Variants in SASH1 observed in about 807,000 individuals in gnomAD.
SASH1 encodes the protein SAM and SH3 domain containing 1.
In SASH1, 44 loss-of-function variants were observed where a neutral mutation model predicts 125.2. That is an observed-to-expected ratio of 0.35 (90% confidence interval 0.28 to 0.45). The LOEUF (loss-of-function observed/expected upper bound fraction) is 0.45. Among genes scored for constraint, SASH1 ranks in the 20% least tolerant of loss-of-function variants. The pLI is 1.00. For missense variants in SASH1, 1,426 were observed against 1,614.5 expected (o/e 0.88, Z 2.00); for synonymous variants, 639 against 649.1 (o/e 0.98, Z 0.24).
rs1332555055 is a variant in SASH1 at position 148,544,155 on chromosome 6, C to G, written c.2685C>G (p.Thr895=). The part of the protein sequence containing the change: ...DSAVDNALLL[T]QSKRFSEPQK... Reference sequence around the variant, plus strand: ...CTGTCGACAATGCATTGCTACTGACCCAAAGCAAGAGATTTTCTGAACCTC... The same window carrying G: ...CTGTCGACAATGCATTGCTACTGACGCAAAGCAAGAGATTTTCTGAACCTC... The change falls in exon 18 of 20, where the codon ACC becomes ACG. Residue 895 remains threonine, a synonymous_variant. Transcript: ENST00000367467. The surrounding 1 kb of genome is among the most constrained non-coding windows in gnomAD (Gnocchi z 6.4). 6.2e-7 allele frequency: 1 copy of G among 1,614,082 alleles called. No homozygotes were observed. The highest frequency in any genetic ancestry group is 1.7e-5 in the Admixed American group (1 of 60,002).
chr6:148,550,231 A>T lies in SASH1; in HGVS notation c.*1673A>T, dbSNP rs1782811257. 6.6e-6 allele frequency: 1 copy of T among 152,220 alleles called. No individual in the cohort carries two copies. 9.4% of individuals were successfully genotyped at this position (152,220 alleles called of 1,614,324 possible). A position where few individuals can be genotyped will look rare whatever the true frequency, so the allele number is the denominator to read the frequency against. On this transcript the variant is annotated 3_prime_UTR_variant, in exon 20 of 20. Coordinates refer to ENST00000367467, the MANE Select transcript of SASH1 (RefSeq NM_015278.5). ...TTTCCTTTACATTCTTATCATGAACACTATTTTAAGCATCAAATGCAATCA... is the reference window on the plus strand; with the variant it reads ...TTTCCTTTACATTCTTATCATGAACTCTATTTTAAGCATCAAATGCAATCA...
At chr6:148,387,573 T>TTTCC (rs1783448380) in intron 1 of SASH1, among the ~76,000 whole-genome samples, 1 of 5,184 alleles carries the variant, frequency 1.9e-4, no homozygotes, top group South Asian at 0.011. Context: ...TTTCTCTTTC[T>TTTCC]TTCTTTCTTT....
At chr6:148,535,653 G>A (rs1043164632) in intron 16 of SASH1, among the ~76,000 whole-genome samples, 1 of 152,140 alleles carries the variant, frequency 6.6e-6, no homozygotes, top group African/African-American at 2.4e-5. Flanking sequence ...CTTTTATGAA[G>A]TCTGTCTATT....
intron 9 of SASH1, among the ~76,000 whole-genome samples, chr6:148,514,683 G>C (rs1183149016): frequency 7.0e-6 from 1 of 143,562 alleles, no homozygotes; most frequent in Non-Finnish European, 1.6e-5. Context: ...GGGGTGCTTA[G>C]TCATTTCAAT....
chr6:148,264,277 GGGAATGTAGAACAACTCTTACCCAT>G, the SASH1 span, among the ~76,000 whole-genome samples: 1 of 151,782 alleles, frequency 6.6e-6, no homozygotes, highest in Non-Finnish European at 1.5e-5. Flanking sequence ...TGTCCCAGCT[GGGAATGTAGAACAACTCTTACCCAT>G]ACAAAAATAT....
intron 2 of SASH1, among the ~76,000 whole-genome samples, chr6:148,414,089 T>A (rs939942677): frequency 6.6e-6 from 1 of 152,036 alleles, no homozygotes; most frequent in Non-Finnish European, 1.5e-5. Context: ...TCCTATAAAA[T>A]TTGTGTCTGT....
At chr6:148,306,841 C>T (rs758557429) in intron 1 of SASH1, among the ~76,000 whole-genome samples, 12 of 152,020 alleles carry the variant, frequency 7.9e-5, no homozygotes, top group Non-Finnish European at 1.3e-4. Context: ...TCATCCTGGC[C>T]ACAGGAATGG....
chr6:148,214,899 C>CT, the SASH1 span, among the ~76,000 whole-genome samples: 2,861 of 152,262 alleles, frequency 0.019, 74 homozygotes, highest in African/African-American at 0.066. Flanking sequence ...AAGAAAATGA[C>CT]TGTGTTCCTT....
At chr6:148,314,142 A>G (rs562923093) in intron 1 of SASH1, among the ~76,000 whole-genome samples, 33 of 152,286 alleles carry the variant, frequency 2.2e-4, no homozygotes, top group African/African-American at 6.7e-4. Flanking sequence ...TCAGAGGATA[A>G]ACAACATGGA....
the SASH1 span, among the ~76,000 whole-genome samples, chr6:148,202,401 A>T: frequency 1.3e-5 from 2 of 151,960 alleles, no homozygotes; most frequent in African/African-American, 4.8e-5. Context: ...CTGCAGCTGG[A>T]CTCATCCTTT....
At chr6:148,462,011 G>A (rs1777631918) in intron 4 of SASH1, among the ~76,000 whole-genome samples, 1 of 151,578 alleles carries the variant, frequency 6.6e-6, no homozygotes, top group African/African-American at 2.4e-5. Flanking sequence ...GCACAATTCA[G>A]TAGCACAGAT....
the SASH1 span, among the ~76,000 whole-genome samples, chr6:148,238,262 T>C: frequency 6.6e-6 from 1 of 152,064 alleles, no homozygotes; most frequent in African/African-American, 2.4e-5. Flanking sequence ...CTCTCTCTAT[T>C]GCTCAGGCTG....
At chr6:148,375,019 G>T (rs772592373) in intron 1 of SASH1, among the ~76,000 whole-genome samples, 8 of 146,168 alleles carry the variant, frequency 5.5e-5, no homozygotes, top group Non-Finnish European at 1.0e-4. Flanking sequence ...TTGAGACAGG[G>T]TCTCACTCTG....
the SASH1 span, among the ~76,000 whole-genome samples, chr6:148,222,067 A>G: frequency 9.1e-3 from 1,391 of 152,268 alleles, 21 homozygotes; most frequent in African/African-American, 0.031. Context: ...AGCAAGGTGA[A>G]CTTCTTCTCC....
chr6:148,203,989 GT>G, the SASH1 span, among the ~76,000 whole-genome samples: 1 of 152,200 alleles, frequency 6.6e-6, no homozygotes, highest in Non-Finnish European at 1.5e-5. Flanking sequence ...GTCAGTTTGG[GT>G]TTTGTTGACT....
At chr6:148,407,535 A>G (rs921077514) in intron 2 of SASH1, among the ~76,000 whole-genome samples, 1 of 152,190 alleles carries the variant, frequency 6.6e-6, no homozygotes, top group Non-Finnish European at 1.5e-5. Context: ...TGCTATGAAC[A>G]TGAGTGTACA....
intron 10 of SASH1, among the ~76,000 whole-genome samples, chr6:148,522,468 T>C (rs1780877996): frequency 6.6e-6 from 1 of 152,250 alleles, no homozygotes; most frequent in Non-Finnish European, 1.5e-5. Flanking sequence ...AACCTCAAGC[T>C]CTTTGTCTTT....
At chr6:148,352,118 GAAT>G (rs1220601212) in intron 1 of SASH1, among the ~76,000 whole-genome samples, 2 of 152,166 alleles carry the variant, frequency 1.3e-5, no homozygotes, top group Non-Finnish European at 2.9e-5. Flanking sequence ...CTGATAGGTA[GAAT>G]AGTAAAGTAG....
At chr6:148,277,258 C>T (rs570762249) in intron 1 of SASH1, among the ~76,000 whole-genome samples, 1 of 152,336 alleles carries the variant, frequency 6.6e-6, no homozygotes, top group East Asian at 1.9e-4. Flanking sequence ...CCACTACAGT[C>T]AACAGCACAG....
Sources: allele counts gnomAD v4.1 joint callset (sites outside exome capture counted in the v4.1 genomes callset), GRCh38; gene constraint gnomAD v4.1.1; non-coding constraint Gnocchi (gnomAD v3.1); transcripts MANE v1.5; gene names NCBI Gene and HGNC (gene_info 2026-07-23, HGNC 2026-07-21).